NFASC: variants seen among roughly 807,000 people sequenced by gnomAD.
NFASC encodes the protein neurofascin homolog.
NFASC carries 43 observed loss-of-function variants against 147.5 expected under a neutral mutation model. The observed-to-expected ratio is 0.29, with a 90% CI of 0.23 to 0.38. NFASC has a LOEUF of 0.38. Ranked by LOEUF, NFASC falls within the 10% of genes least tolerant of loss-of-function variation. The pLI is 1.00. For synonymous variants in NFASC, 622 were observed against 665.5 expected (o/e 0.93, Z 1.01); for missense variants, 1,320 against 1,689.0 (o/e 0.78, Z 3.83).
At chr1:205,014,354 G>A (rs1287660637) in intron 29 of NFASC, among the ~76,000 whole-genome samples, 1 of 152,154 alleles carries the variant, frequency 6.6e-6, no homozygotes, top group Non-Finnish European at 1.5e-5. Flanking sequence ...GCCCTCCCTT[G>A]GATGAGTCTA....
intron 23 of NFASC, chr1:204,990,563 C>CAAAAAAAAAAAAAA (rs55745283): frequency 7.9e-6 from 1 of 126,710 alleles, no homozygotes; most frequent in Non-Finnish European, 1.6e-5. Flanking sequence ...GCTCTCAGTC[C>CAAAAAAAAAAAAAA]AAAAAAAAAA....
At position 205,017,159 on chromosome 1, in the gene NFASC, G is replaced by A. The variant is rs567710760; in HGVS notation, c.*620G>A. The A allele has an allele frequency of 6.6e-5, 11 of 166,752 alleles. No individual in the cohort carries two copies. In the East Asian group the frequency reaches 7.8e-4, roughly 12 times the overall value. 10.3% of individuals were successfully genotyped at this position (166,752 alleles called of 1,614,324 possible). A position where few individuals can be genotyped will look rare whatever the true frequency, so the allele number is the denominator to read the frequency against. On this transcript the variant is annotated 3_prime_UTR_variant, in exon 30 of 30. Transcript: ENST00000339876. The stretch of plus-strand genomic sequence containing the variant: ...CCCTGGCCCCCAGCCCCTCTGCCTC[G>A]GCCTTGTCAGTTGCTGAGCTGGGCT...
At chr1:204,883,989 C>G in intron 1 of NFASC, among the ~76,000 whole-genome samples, 1 of 152,198 alleles carries the variant, frequency 6.6e-6, no homozygotes, top group Non-Finnish European at 1.5e-5. Flanking sequence ...CAGTGGGGAA[C>G]CCAGCATAAC....
In NFASC at chr1:204,828,690, G is replaced by T. The variant is rs1186600920; in HGVS notation, c.-292G>T. ...TCTCTGCCCTAATGCGGCGGCTGGC[G>T]GCGAGAGGCGCTGCAGGGGACGCGG... On this transcript the variant is annotated 5_prime_UTR_variant, in exon 1 of 30. Coordinates refer to ENST00000339876, the MANE Select transcript of NFASC (RefSeq NM_001005388.3). 2 of 985,248 alleles carry T rather than the reference G, an allele frequency of 2.0e-6. No individual in the cohort carries two copies. Among genetic ancestry groups the T allele is most frequent in the Non-Finnish European group, 2.4e-6 (2 of 830,028 alleles). 61.0% of individuals were successfully genotyped at this position (985,248 alleles called of 1,614,324 possible).
At chr1:204,930,821 G>A (rs2092300437) in intron 2 of NFASC, among the ~76,000 whole-genome samples, 1 of 152,230 alleles carries the variant, frequency 6.6e-6, no homozygotes, top group Non-Finnish European at 1.5e-5. Context: ...ATGGCAGGAG[G>A]TGCAGAAAGC....
intron 11 of NFASC, 137 bp downstream of exon 11, chr1:204,970,884 GC>G: frequency 3.7e-6 from 4 of 1,069,584 alleles, no homozygotes; most frequent in African/African-American, 1.6e-5. Context: ...TTTCTCAGCT[GC>G]CCATCTCTTC....
At chr1:204,879,833 G>A (rs940842680) in intron 1 of NFASC, among the ~76,000 whole-genome samples, 1 of 152,190 alleles carries the variant, frequency 6.6e-6, no homozygotes, top group Non-Finnish European at 1.5e-5. Context: ...CAAGGGAGAA[G>A]AGCTGTGGGA....
chr1:204,870,925 C>T (rs2077574215), intron 1 of NFASC: 4 of 1,226,776 alleles, frequency 3.3e-6, no homozygotes, highest in Non-Finnish European at 4.2e-6. Flanking sequence ...AAAGAAGGAT[C>T]TTGCTGGGAT....
intron 12 of NFASC, 121 bp downstream of exon 12, chr1:204,973,540 A>G (rs72751491): frequency 0.027 from 33,847 of 1,268,098 alleles, 610 homozygotes; most frequent in Middle Eastern, 0.07. Flanking sequence ...TGGGTGAGGT[A>G]AGAGGATGTT....
chr1:204,942,579 A>G (rs2093430683), intron 2 of NFASC, among the ~76,000 whole-genome samples: 1 of 152,236 alleles, frequency 6.6e-6, no homozygotes, highest in African/African-American at 2.4e-5. Flanking sequence ...TCAGAGGGGC[A>G]TATCACACTG....
rs145297553 is a variant in NFASC at position 204,868,133 on chromosome 1, C to T, written c.-200+39351C>T. On this transcript the variant is annotated intron_variant, in intron 1 of 29. Transcript: ENST00000339876. ...ATGCACCCAGGGATGAGACTGGACC[C>T]TTCACTGCAGTAGTTACAGTCAGTG... Among the ~76,000 whole-genome samples the T allele has an allele frequency of 1.9e-3, 294 of 152,402 alleles. 1 individual carries two copies. In the Middle Eastern group the frequency reaches 0.024, roughly 12 times the overall value.
intron 1 of NFASC, among the ~76,000 whole-genome samples, chr1:204,845,527 G>C (rs965070221): frequency 6.6e-6 from 1 of 152,118 alleles, no homozygotes; most frequent in Non-Finnish European, 1.5e-5. Context: ...GAAGCTCCTG[G>C]AGTGTAGGAA....
chr1:204,993,635 C>T (rs1348471538), intron 24 of NFASC: 1 of 390,954 alleles, frequency 2.6e-6, no homozygotes, highest in Non-Finnish European at 5.3e-6. Context: ...ACTCAGGATC[C>T]CCCCTTAGCT....
At chr1:204,890,758 C>T (rs1046280686) in intron 1 of NFASC, among the ~76,000 whole-genome samples, 4 of 152,110 alleles carry the variant, frequency 2.6e-5, no homozygotes, top group African/African-American at 9.7e-5. Flanking sequence ...TTAGTAGAGA[C>T]AGGGTTTTGC....
chr1:204,919,786 T>G (rs183798285), intron 1 of NFASC, among the ~76,000 whole-genome samples: 1 of 152,226 alleles, frequency 6.6e-6, no homozygotes, highest in East Asian at 1.9e-4. Context: ...GCCCGGCTAA[T>G]TTTTGTATTT....
chr1:205,012,800 G>A lies in NFASC; in HGVS notation c.3425G>A (p.Arg1142Gln), dbSNP rs943208625. The A allele has an allele frequency of 8.1e-6, 13 of 1,612,228 alleles. No homozygotes were observed. The highest frequency in any genetic ancestry group is 4.0e-5 in the African/African-American group (3 of 74,872). ...TTTGCTTCTCCTTTTGACCAAGTAC[G>A]AGAAAAGAAGGATGTTCCCCTTGGC... ...KRSRGGKYPV[R>Q]EKKDVPLGPE... The change falls in exon 29 of 30, where the codon CGA (arginine) becomes CAA (glutamine). Residue 1142 changes from arginine (R) to glutamine (Q), a missense_variant. By Grantham distance (43) the Arg-to-Gln change is conservative (BLOSUM62 1). This residue lies in a region of NFASC where 167 missense variants were observed against 233.8 expected (regional missense o/e 0.71). Coordinates refer to ENST00000339876, the MANE Select transcript of NFASC (RefSeq NM_001005388.3).
At position 204,954,754 on chromosome 1, in the gene NFASC, C is replaced by T; in HGVS notation, c.413-75C>T. 1 of 1,546,956 alleles carries T rather than the reference C, an allele frequency of 6.5e-7. No homozygotes were observed. Among genetic ancestry groups the T allele is most frequent in the Non-Finnish European group, 8.9e-7 (1 of 1,128,426 alleles). On this transcript the variant is annotated intron_variant, in intron 6 of 29. Transcript: ENST00000339876. This position sits in a 1 kb window ranked among gnomAD's most constrained non-coding sequence, Gnocchi z 5.7. ...CCTTCTGTTTCTCCTCCTTGCATGCCTGCCTCTGACCCTGCTCCTTGCCCC... is the reference window on the plus strand; with the variant it reads ...CCTTCTGTTTCTCCTCCTTGCATGCTTGCCTCTGACCCTGCTCCTTGCCCC...
At chr1:204,998,680 C>G (rs922703803) in intron 25 of NFASC, 1 of 152,148 alleles carries the variant, frequency 6.6e-6, no homozygotes. Flanking sequence ...CTGCCACCAG[C>G]GGGTTGGTGA....
In NFASC at chr1:204,986,146, G is replaced by T. The variant is rs779665781; in HGVS notation, c.2471-1272G>T. On this transcript the variant is annotated intron_variant, in intron 21 of 29. Coordinates refer to ENST00000339876, the MANE Select transcript of NFASC (RefSeq NM_001005388.3). The surrounding 1 kb of genome is among the most constrained non-coding windows in gnomAD (Gnocchi z 4.2). Reference sequence around the variant, plus strand: ...CTGGCCTGCAGCTCTTCAGGGTGGGGCAGGAGAAGGGTGGCACACACCTTG... The same window carrying T: ...CTGGCCTGCAGCTCTTCAGGGTGGGTCAGGAGAAGGGTGGCACACACCTTG... 1 of 1,522,840 alleles carries T rather than the reference G, an allele frequency of 6.6e-7. No homozygotes were observed. 94.3% of individuals were successfully genotyped at this position (1,522,840 alleles called of 1,614,324 possible). A position where few individuals can be genotyped will look rare whatever the true frequency, so the allele number is the denominator to read the frequency against.
Sources: gnomAD v4.1 joint callset for allele counts (sites outside exome capture counted in the v4.1 genomes callset) on GRCh38, gnomAD v4.1.1 for gene constraint, gnomAD v4.1.1 regional missense constraint, Gnocchi (gnomAD v3.1) non-coding constraint, MANE v1.5 for transcripts, NCBI Gene and HGNC (gene_info 2026-07-23, HGNC 2026-07-21) for gene names.